Variants in ZNF836 observed in about 807,000 individuals in gnomAD.
ZNF836 encodes the protein zinc finger protein 836.
Under a neutral mutation model 7.4 loss-of-function variants are expected in ZNF836, and 12 were observed. The ratio of observed to expected loss-of-function variants is 1.61; its 90% CI spans 1.03 to 2.61. The LOEUF is 2.61. Among genes scored for constraint, ZNF836 ranks in the 30% most tolerant of loss-of-function variants. ZNF836 has a pLI of 0.00. For missense variants in ZNF836, 998 were observed against 1,126.2 expected, an observed-to-expected ratio of 0.89 and a Z score of 1.63; for synonymous variants, 365 against 382.6, an observed-to-expected ratio of 0.95 and a Z score of 0.54.
chr19:52,156,871 C>T lies in ZNF836; in HGVS notation c.812G>A (p.Gly271Glu). Residue 271 changes from glycine to glutamate, a missense_variant, in exon 5 of 5, where the codon GGG becomes GAG. Transcript: ENST00000682614. ...LTIHQIVHTR[G>E]KPYQCGVCGK... is the part of the protein sequence containing the mutation. ...ACATACACCACATTGATATGGCTTC[C>T]CCCTTGTATGGACTATCTGATGTAT... 1 of 1,614,072 alleles carries T rather than the reference C, an allele frequency of 6.2e-7. No individual in the cohort carries two copies. Among genetic ancestry groups the T allele is most frequent in the Non-Finnish European group, 8.5e-7 (1 of 1,180,008 alleles).
intron 3 of ZNF836, among the ~76,000 whole-genome samples, chr19:52,164,449 AAAGG>A (rs59942431): frequency 0.23 from 32,035 of 136,974 alleles, 4,095 homozygotes; most frequent in Non-Finnish European, 0.29. Flanking sequence ...GAGAGAGAGA[AAAGG>A]AAGGAAGGAA....
chr19:52,155,847 A>AAT lies in ZNF836; in HGVS notation c.1835_1836insAT (p.Cys612Ter). 6.2e-7 allele frequency: 1 copy of AAT among 1,614,010 alleles called. No homozygotes were observed. Among genetic ancestry groups the AAT allele is most frequent in the East Asian group, 2.2e-5 (1 of 44,878 alleles). ...CATTGAAGACCTTGCCACACACATT[A>AAT]CATTTGTAAGGTTTCTGCCCAGTAT... ...RIHTGQKPYK[C>*]NVCGKVFNDS... The change falls in exon 5 of 5, where the codon TGT becomes TGATT. Residue 612 changes from cysteine to a stop codon, truncating the protein, a stop_gained and frameshift_variant. Transcript: ENST00000682614. LOFTEE classifies it low-confidence loss of function (END_TRUNC).
At chr19:52,165,663 C>T (rs558109449) in intron 3 of ZNF836, among the ~76,000 whole-genome samples, 2 of 152,126 alleles carry the variant, frequency 1.3e-5, no homozygotes, top group South Asian at 2.1e-4. Context: ...AAAGAGTGAT[C>T]GCTTCCTCTA....
rs529168404 is a variant in ZNF836 at position 52,155,773 on chromosome 19, G to A, written c.1910C>T (p.Pro637Leu). The change falls in exon 5 of 5, where the codon CCG (proline) becomes CTG (leucine). Residue 637 changes from proline to leucine, a missense_variant. Coordinates refer to ENST00000682614, the MANE Select transcript of ZNF836 (RefSeq NM_001102657.3). ...NHKRIHTGEKPFQCNECGKVF... is the reference protein window; with the variant it reads ...NHKRIHTGEKLFQCNECGKVF... ...CTTGCCGCATTCGTTACATTGAAAC[G>A]GCTTCTCTCCAGTATGAATTCTCTT... The A allele has an allele frequency of 7.4e-6, 12 of 1,613,928 alleles. No homozygotes were observed. Among genetic ancestry groups the A allele is most frequent in the East Asian group, 2.2e-5 (1 of 44,900 alleles).
At chr19:52,168,290 T>G in intron 2 of ZNF836, 138 bp from the exon 3 acceptor site, 1 of 558,912 alleles carries the variant, frequency 1.8e-6, no homozygotes, top group Non-Finnish European at 3.1e-6. Flanking sequence ...AATAAATTCC[T>G]AAACAAAGAC....
Position 52,156,099 on chromosome 19 carries a change from G to A in ZNF836, c.1584C>T (p.Cys528=), listed in dbSNP as rs202219707. The change falls in exon 5 of 5, where the codon TGC becomes TGT. Residue 528 remains cysteine, a synonymous_variant. Coordinates refer to ENST00000682614, the MANE Select transcript of ZNF836 (RefSeq NM_001102657.3). ...CACTAAAGACCTTTCCACATTCACC[G>A]CATTGGTAACGTTTCTCTCTGGTAT... ...IIHTREKRYQ[C]GECGKVFSEN... 27 of 1,613,936 alleles carry A rather than the reference G, an allele frequency of 1.7e-5. No individual in the cohort carries two copies. In the Admixed American group the frequency reaches 2.0e-4, roughly 12 times the overall value.
rs1357315323 is a variant in ZNF836, at chr19:52,155,785, G to C, written c.1898C>G (p.Thr633Ser). 6.2e-7 allele frequency: 1 copy of C among 1,614,070 alleles called. No homozygotes were observed. Among genetic ancestry groups the C allele is most frequent in the South Asian group, 1.1e-5 (1 of 91,084 alleles). ...GNLSNHKRIH[T>S]GEKPFQCNEC... The stretch of plus-strand genomic sequence containing the variant: ...GTTACATTGAAACGGCTTCTCTCCA[G>C]TATGAATTCTCTTATGATTTGAAAG... The change falls in exon 5 of 5, where the codon ACT (threonine) becomes AGT (serine). Residue 633 changes from threonine to serine, a missense_variant. By Grantham distance (58) the Thr-to-Ser change is moderately conservative. Coordinates refer to ENST00000682614, the MANE Select transcript of ZNF836 (RefSeq NM_001102657.3).
chr19:52,154,659 A>C lies in ZNF836; in HGVS notation c.*213T>G. 2.4e-6 allele frequency: 1 copy of C among 417,452 alleles called. No homozygotes were observed. Among genetic ancestry groups the C allele is most frequent in the Non-Finnish European group, 4.2e-6 (1 of 239,756 alleles). The allele number at this position is 417,452 out of a possible 1,614,324, so 25.9% of individuals were successfully genotyped here. A position where few individuals can be genotyped will look rare whatever the true frequency, so the allele number is the denominator to read the frequency against. On this transcript the variant is annotated 3_prime_UTR_variant, in exon 5 of 5. Coordinates refer to ENST00000682614, the MANE Select transcript of ZNF836 (RefSeq NM_001102657.3). ...TGGCGACAGAGAGAGACTCCGTCTC[A>C]AAAAAGCAAAACAAACAAAAAAACA...
chr19:52,164,200 T>A (rs887300140), intron 3 of ZNF836, among the ~76,000 whole-genome samples: 1 of 151,968 alleles, frequency 6.6e-6, no homozygotes, highest in African/African-American at 2.4e-5. Context: ...GAGACCAGCA[T>A]GGCTAACATG....
In ZNF836 at chr19:52,156,220, T is replaced by G; in HGVS notation, c.1463A>C (p.His488Pro). 1 of 1,614,232 alleles carries G rather than the reference T, an allele frequency of 6.2e-7. No homozygotes were observed. Among genetic ancestry groups the G allele is most frequent in the Admixed American group, 1.7e-5 (1 of 60,034 alleles). Residue 488 changes from histidine to proline, a missense_variant, in exon 5 of 5, where the codon CAT becomes CCT. By Grantham distance (77) the His-to-Pro change is moderately conservative (BLOSUM62 -2). Transcript: ENST00000682614. Reference sequence around the variant, plus strand: ...TTTCTCTCCAGTATGAATTCTCCGATGCCCCACAAGATGTGAAGTCTGACT... The same window carrying G: ...TTTCTCTCCAGTATGAATTCTCCGAGGCCCCACAAGATGTGAAGTCTGACT... The part of the protein sequence containing the change: ...VFSQTSHLVG[H>P]RRIHTGEKPY...
At chr19:52,163,940 T>C (rs1280466152) in intron 3 of ZNF836, among the ~76,000 whole-genome samples, 1 of 151,434 alleles carries the variant, frequency 6.6e-6, no homozygotes, top group African/African-American at 2.4e-5. Context: ...TATAATTGTG[T>C]GTGTGTTGTT....
At chr19:52,160,350 G>T in intron 4 of ZNF836, 115 bp downstream of exon 4, 1 of 1,327,678 alleles carries the variant, frequency 7.5e-7, no homozygotes, top group Non-Finnish European at 1.1e-6. Context: ...TTATTTGTGA[G>T]TCAACAAGGC....
chr19:52,162,825 C>T (rs1401118295), intron 3 of ZNF836, among the ~76,000 whole-genome samples: 4 of 152,282 alleles, frequency 2.6e-5, no homozygotes, highest in Non-Finnish European at 2.9e-5. Context: ...TGGCGGCAGG[C>T]GCAGTCGTGA....
rs758296613 is a variant in ZNF836 at position 52,156,069 on chromosome 19, A to G, written c.1614T>C (p.Asn538=). The G allele has an allele frequency of 1.2e-6, 2 of 1,613,984 alleles. No homozygotes were observed. Among genetic ancestry groups the G allele is most frequent in the South Asian group, 1.1e-5 (1 of 91,080 alleles). The change falls in exon 5 of 5, where the codon AAT becomes AAC. Residue 538 remains asparagine, a synonymous_variant. Coordinates refer to ENST00000682614, the MANE Select transcript of ZNF836 (RefSeq NM_001102657.3). ...TTCTTAAATGTCTTACAAGGCATGA[A>G]TTTTCACTAAAGACCTTTCCACATT... ...CGECGKVFSE[N]SCLVRHLRIH...
rs1049035121 is a variant in ZNF836 at position 52,161,824 on chromosome 19, G to T, written c.16-1233C>A. On this transcript the variant is annotated intron_variant, in intron 3 of 4. Coordinates refer to ENST00000682614, the MANE Select transcript of ZNF836 (RefSeq NM_001102657.3). The surrounding 1 kb of genome is among the most constrained non-coding windows in gnomAD (Gnocchi z 4.1). The stretch of plus-strand genomic sequence containing the variant: ...CTAACTATAATCTAAATCAGATATG[G>T]GTGAGACTCAAACATGCATTTCATC... Among the ~76,000 whole-genome samples the T allele has an allele frequency of 2.6e-5, 4 of 152,106 alleles. No homozygotes were observed. Among genetic ancestry groups the T allele is most frequent in the African/African-American group, 9.7e-5 (4 of 41,418 alleles).
intron 4 of ZNF836, 143 bp downstream of exon 4, chr19:52,160,322 G>A (rs1044851764): frequency 5.2e-6 from 5 of 952,780 alleles, no homozygotes; most frequent in Non-Finnish European, 8.0e-6. Flanking sequence ...AAGGCCAGAT[G>A]CAGCATTATG....
chr19:52,166,023 GCT>G (rs2089260258), intron 3 of ZNF836, among the ~76,000 whole-genome samples: 1 of 151,848 alleles, frequency 6.6e-6, no homozygotes, highest in Non-Finnish European at 1.5e-5. Flanking sequence ...ACAGAGTCTA[GCT>G]CTGTCACCCA....
At position 52,157,243 on chromosome 19, in the gene ZNF836, GA is replaced by G. The variant is rs1386597466; in HGVS notation, c.439del (p.Ser147HisfsTer3). ...IENQLTLSFQSRLTELQKFQT... is the reference protein window; with the variant it reads ...IENQLTLSFQXRLTELQKFQT... The stretch of plus-strand genomic sequence containing the variant: ...AAATTTCTGCAGTTCAGTCAGACGT[GA>G]CTGAAAGCTTAATGTAAGCTGATTT... On this transcript the variant is annotated frameshift_variant, in exon 5 of 5. Coordinates refer to ENST00000682614, the MANE Select transcript of ZNF836 (RefSeq NM_001102657.3). LOFTEE classifies it low-confidence loss of function (END_TRUNC). The G allele has an allele frequency of 6.2e-7, 1 of 1,608,804 alleles. No individual in the cohort carries two copies. Among genetic ancestry groups the G allele is most frequent in the Non-Finnish European group, 8.5e-7 (1 of 1,176,946 alleles).
chr19:52,164,403 A>G (rs1157260633), intron 3 of ZNF836, among the ~76,000 whole-genome samples: 1 of 150,104 alleles, frequency 6.7e-6, no homozygotes, highest in African/African-American at 2.5e-5. Context: ...CAAAAAAAAA[A>G]AAGAGAAAGA....
Sources: gnomAD v4.1 joint callset for allele counts (sites outside exome capture counted in the v4.1 genomes callset) on GRCh38, gnomAD v4.1.1 for gene constraint, Gnocchi (gnomAD v3.1) non-coding constraint, MANE v1.5 for transcripts, NCBI Gene and HGNC (gene_info 2026-07-23, HGNC 2026-07-21) for gene names.